Variants in UHMK1 observed in about 807,000 individuals in gnomAD.
UHMK1 encodes U2AF homology motif kinase 1, also known as serine/threonine-protein kinase Kist.
Under a neutral mutation model 44.0 loss-of-function variants are expected in UHMK1, and 18 were observed. The observed-to-expected ratio is 0.41, with a 90% CI of 0.28 to 0.61. The LOEUF (loss-of-function observed/expected upper bound fraction) is 0.61, where lower values mean the gene tolerates loss of function less well. Among genes scored for constraint, UHMK1 ranks in the 20% least tolerant of loss-of-function variants. The pLI is 0.31. For missense variants in UHMK1, 463 were observed against 522.5 expected, an observed-to-expected ratio of 0.89 and a Z score of 1.11; for synonymous variants, 231 against 198.5, an observed-to-expected ratio of 1.16 and a Z score of -1.38.
chr1:162,497,264 G>C, upstream of UHMK1: 1 of 702,726 alleles, frequency 1.4e-6, no homozygotes, highest in Non-Finnish European at 2.6e-6. Context: ...TTTCTTACCA[G>C]ACCGAAGGTC....
intron 1 of UHMK1, among the ~76,000 whole-genome samples, chr1:162,498,731 C>T (rs1341968668): frequency 6.6e-6 from 1 of 152,162 alleles, no homozygotes; most frequent in Non-Finnish European, 1.5e-5. Context: ...TGCACTATTC[C>T]ATGGGAGCCT....
intron 4 of UHMK1, among the ~76,000 whole-genome samples, chr1:162,508,403 C>A (rs775214898): frequency 1.3e-5 from 2 of 151,868 alleles, no homozygotes; most frequent in African/African-American, 4.8e-5. Flanking sequence ...TGAGCCACCA[C>A]GCCTGGCCAT....
chr1:162,503,100 G>T (rs1651335086), intron 3 of UHMK1, among the ~76,000 whole-genome samples: 1 of 152,054 alleles, frequency 6.6e-6, no homozygotes, highest in Non-Finnish European at 1.5e-5. Flanking sequence ...GTTTATTTCT[G>T]CCTGAAAACC....
chr1:162,498,290 CTCT>C, intron 1 of UHMK1, 22 bp downstream of exon 1: 1 of 1,565,000 alleles, frequency 6.4e-7, no homozygotes, highest in African/African-American at 1.4e-5. Context: ...TGTCTCCTTT[CTCT>C]TCTTGCCCAG....
intron 4 of UHMK1, among the ~76,000 whole-genome samples, chr1:162,511,183 CTTTTTCTTTTTTTT>C (rs1469340120): frequency 1.3e-4 from 15 of 113,524 alleles, no homozygotes; most frequent in Admixed American, 6.8e-4. Context: ...TTTCTTTTTT[CTTTTTCTTTTTTTT>C]TTTTTTTTTT....
rs1652312393 is a variant in UHMK1 at position 162,528,127 on chromosome 1, T to C, written c.*5577T>C. 2 of 152,052 alleles carry C rather than the reference T, an allele frequency of 1.3e-5. No individual in the cohort carries two copies. Among genetic ancestry groups the C allele is most frequent in the Admixed American group, 1.3e-4 (2 of 15,260 alleles). The allele number at this position is 152,052 out of a possible 1,614,324, so 9.4% of individuals were successfully genotyped here. On this transcript the variant is annotated 3_prime_UTR_variant, in exon 8 of 8. Transcript: ENST00000489294. ...GGGTATAAGAGCAAATGTAGTGAGG[T>C]ATTCAAAAATCCTGCATATATGGAC...
chr1:162,519,165 A>G (rs1041793772), intron 7 of UHMK1, among the ~76,000 whole-genome samples: 2 of 151,728 alleles, frequency 1.3e-5, no homozygotes, highest in African/African-American at 4.8e-5. Context: ...AAAAATACCA[A>G]AAATTAGCCA....
intron 6 of UHMK1, 27 bp downstream of exon 6, chr1:162,512,850 ATG>A: frequency 6.3e-7 from 1 of 1,589,900 alleles, no homozygotes; most frequent in Middle Eastern, 1.7e-4. Flanking sequence ...TTATATTTTA[ATG>A]TGTCTTTCTT....
At chr1:162,508,234 C>T (rs549617198) in intron 4 of UHMK1, among the ~76,000 whole-genome samples, 2 of 152,106 alleles carry the variant, frequency 1.3e-5, no homozygotes, top group South Asian at 4.1e-4. Context: ...TCCTCACCCT[C>T]CTGAGTAGGT....
At chr1:162,515,601 A>C (rs972971356) in intron 6 of UHMK1, among the ~76,000 whole-genome samples, 2 of 152,162 alleles carry the variant, frequency 1.3e-5, no homozygotes, top group Non-Finnish European at 2.9e-5. Flanking sequence ...GCATTGTTTC[A>C]GGTTACGAAG....
intron 4 of UHMK1, among the ~76,000 whole-genome samples, chr1:162,508,293 G>A (rs1218951995): frequency 1.3e-5 from 2 of 151,568 alleles, no homozygotes; most frequent in Non-Finnish European, 2.9e-5. Context: ...CATGTTTTTA[G>A]TAGAGACAAG....
At position 162,512,503 on chromosome 1, in the gene UHMK1, G is replaced by A. The variant is rs1425572928; in HGVS notation, c.852G>A (p.Met284Ile). 8 of 1,604,212 alleles carry A rather than the reference G, an allele frequency of 5.0e-6. No individual in the cohort carries two copies. The highest frequency in any genetic ancestry group is 1.3e-5 in the African/African-American group (1 of 74,306). The change falls in exon 5 of 8, where the codon ATG (methionine) becomes ATA (isoleucine). Residue 284 changes from methionine to isoleucine, a missense_variant. Physicochemically the swap from Met to Ile is conservative, Grantham distance 10 (BLOSUM62 1). Coordinates refer to ENST00000489294, the MANE Select transcript of UHMK1 (RefSeq NM_175866.5). Reference protein sequence around the residue: ...AYHLRDLIKSMLHDDPSRRIP... With the variant: ...AYHLRDLIKSILHDDPSRRIP... ...GGCACCTATTTTTGTGTTTTAGCAT[G>A]CTTCATGATGATCCAAGCAGAAGAA...
At chr1:162,498,635 G>T (rs1351476090) in intron 1 of UHMK1, among the ~76,000 whole-genome samples, 3 of 152,164 alleles carry the variant, frequency 2.0e-5, no homozygotes, top group Admixed American at 6.5e-5. Flanking sequence ...TAGAAAATGG[G>T]AACTACGTCT....
rs539718584 is a variant in UHMK1, at chr1:162,501,212, C to G, written c.753+108C>G. On this transcript the variant is annotated intron_variant, in intron 3 of 7. Coordinates refer to ENST00000489294, the MANE Select transcript of UHMK1 (RefSeq NM_175866.5). ...TGAGATGGAGTTTCACTCTTTCACC[C>G]AGGCTGGAGTGCAGTGGCGCAATCT... The G allele has an allele frequency of 4.2e-4, 480 of 1,154,790 alleles. 1 individual carries two copies. Among genetic ancestry groups the G allele is most frequent in the Middle Eastern group, 9.0e-4 (3 of 3,336 alleles). 71.5% of individuals were successfully genotyped at this position (1,154,790 alleles called of 1,614,324 possible).
chr1:162,498,382 C>T (rs1651143934), intron 1 of UHMK1, 114 bp downstream of exon 1: 1 of 1,284,986 alleles, frequency 7.8e-7, no homozygotes, highest in East Asian at 2.6e-5. Flanking sequence ...GCGGGTTTAG[C>T]CCTCTTTATC....
Position 162,500,071 on chromosome 1 carries a change from G to C in UHMK1, c.385G>C (p.Gly129Arg), listed in dbSNP as rs200546143. ...ATTGCTCTTATATTCCAGTCACCAG[G>C]GTTGTTCCATGTGGATGATACAGCA... ...SELLLYSSHQGCSMWMIQHCA... is the reference protein window; with the variant it reads ...SELLLYSSHQRCSMWMIQHCA... The change falls in exon 2 of 8, where the codon GGT (glycine) becomes CGT (arginine). Residue 129 changes from glycine to arginine, a missense_variant. Around this residue, in one of 3 missense-constraint regions of UHMK1, gnomAD observed 191 missense variants for 176.0 expected, o/e 1.09. Transcript: ENST00000489294. The C allele has an allele frequency of 2.2e-4, 363 of 1,614,060 alleles. No individual in the cohort carries two copies. Among genetic ancestry groups the C allele is most frequent in the Non-Finnish European group, 2.9e-4 (345 of 1,180,040 alleles).
intron 1 of UHMK1, among the ~76,000 whole-genome samples, chr1:162,499,269 C>T (rs1651182461): frequency 6.6e-6 from 1 of 151,974 alleles, no homozygotes; most frequent in Non-Finnish European, 1.5e-5. Context: ...TCCAATTCCT[C>T]CTAAAGCCAT....
chr1:162,515,355 T>C (rs1448363448), intron 6 of UHMK1, among the ~76,000 whole-genome samples: 1 of 152,232 alleles, frequency 6.6e-6, no homozygotes, highest in East Asian at 1.9e-4. Context: ...TATTTAGGTC[T>C]GTATATCTCT....
chr1:162,508,959 AT>A (rs1373286605), intron 4 of UHMK1, among the ~76,000 whole-genome samples: 2 of 151,586 alleles, frequency 1.3e-5, no homozygotes, highest in Non-Finnish European at 2.9e-5. Context: ...TGCCTGGTTT[AT>A]TTTTTTTGTA....
Sources: gnomAD v4.1 joint callset for allele counts (sites outside exome capture counted in the v4.1 genomes callset) on GRCh38, gnomAD v4.1.1 for gene constraint, gnomAD v4.1.1 regional missense constraint, MANE v1.5 for transcripts, NCBI Gene and HGNC (gene_info 2026-07-23, HGNC 2026-07-21) for gene names.